NRCAM: variants seen among roughly 807,000 people sequenced by gnomAD.
NRCAM encodes the protein NgCAM-related cell adhesion molecule.
Under a neutral mutation model 156.5 loss-of-function variants are expected in NRCAM, and 83 were observed. The observed-to-expected ratio is 0.53, with a 90% confidence interval of 0.44 to 0.64. The LOEUF (loss-of-function observed/expected upper bound fraction) is 0.64, where lower values mean the gene tolerates loss of function less well. NRCAM is among the 30% of genes least tolerant of loss of function. The pLI is 0.00. For synonymous variants in NRCAM, 538 were observed against 563.9 expected, an observed-to-expected ratio of 0.95 and a Z score of 0.65; for missense variants, 1,417 against 1,597.3, an observed-to-expected ratio of 0.89 and a Z score of 1.92.
At chr7:108,446,379 C>T (rs568490838) in intron 1 of NRCAM, among the ~76,000 whole-genome samples, 15 of 152,188 alleles carry the variant, frequency 9.9e-5, no homozygotes, top group African/African-American at 3.6e-4. Flanking sequence ...AGAACAAAAC[C>T]CCCCAATTTT....
intron 3 of NRCAM, among the ~76,000 whole-genome samples, chr7:108,289,774 C>T (rs1020022759): frequency 6.6e-6 from 1 of 152,102 alleles, no homozygotes; most frequent in Non-Finnish European, 1.5e-5. Context: ...GGTCTCCAGA[C>T]CCCCAGCATC....
At chr7:108,357,416 C>T (rs1180609571) in intron 2 of NRCAM, among the ~76,000 whole-genome samples, 3 of 151,642 alleles carry the variant, frequency 2.0e-5, no homozygotes, top group African/African-American at 7.3e-5. Context: ...TCACTGGAAC[C>T]TCCACCTCCC....
intron 2 of NRCAM, among the ~76,000 whole-genome samples, chr7:108,362,209 C>CT (rs1244822137): frequency 6.6e-6 from 1 of 152,122 alleles, no homozygotes; most frequent in Non-Finnish European, 1.5e-5. Flanking sequence ...CTGATGAGGG[C>CT]TGTCCTTTCA....
intron 3 of NRCAM, among the ~76,000 whole-genome samples, chr7:108,306,133 A>G (rs2098711538): frequency 6.6e-6 from 1 of 152,222 alleles, no homozygotes; most frequent in African/African-American, 2.4e-5. Flanking sequence ...ACCTTTGAAT[A>G]GTCTTGTCAC....
intron 3 of NRCAM, among the ~76,000 whole-genome samples, chr7:108,272,820 G>A (rs572887014): frequency 6.6e-6 from 1 of 151,942 alleles, no homozygotes; most frequent in East Asian, 1.9e-4. Flanking sequence ...TGTTACATAG[G>A]TATATATGTG....
At chr7:108,337,388 GC>G (rs1439291327) in intron 2 of NRCAM, among the ~76,000 whole-genome samples, 3 of 152,078 alleles carry the variant, frequency 2.0e-5, no homozygotes, top group Admixed American at 2.0e-4. Flanking sequence ...TACGGCTCGA[GC>G]TGAGCTTTTG....
chr7:108,172,421 G>A (rs117713579), intron 28 of NRCAM, among the ~76,000 whole-genome samples: 7,470 of 152,026 alleles, frequency 0.049, 243 homozygotes, highest in East Asian at 0.11. Flanking sequence ...TCCGCCTCCC[G>A]GGCAGCTAGG....
rs142274702 is a variant in NRCAM at position 108,194,032 on chromosome 7, A to G, written c.1770T>C (p.Ser590=). 181 of 1,613,596 alleles carry G rather than the reference A, an allele frequency of 1.1e-4. No homozygotes were observed. The African/African-American group carries it at 2.1e-3, about 19-fold the overall frequency. ...LWLKDNRELP[S]DERFTVDKDH... ...AAATCGTCTTCAAATACCTTTCATC[A>G]CTGGGCAGTTCCCTGTTGTCCTTCA... Residue 590 remains serine (S), a synonymous_variant, in exon 17 of 33, where the codon AGT becomes AGC. Transcript: ENST00000379028.
intron 1 of NRCAM, among the ~76,000 whole-genome samples, chr7:108,415,877 C>G (rs1027331366): frequency 1.3e-5 from 2 of 152,132 alleles, no homozygotes; most frequent in Non-Finnish European, 2.9e-5. Context: ...AGCAAAACTC[C>G]CTCTCAAAAA....
intron 13 of NRCAM, among the ~76,000 whole-genome samples, chr7:108,199,914 T>TA (rs74592999): frequency 0.018 from 2,737 of 152,338 alleles, 86 homozygotes; most frequent in East Asian, 0.15. Context: ...AAAAGTCTTT[T>TA]AGATGTTTTA....
chr7:108,184,128 A>ATATT (rs1491201025), intron 22 of NRCAM, 113 bp downstream of exon 22: 42 of 450,280 alleles, frequency 9.3e-5, no homozygotes, highest in Non-Finnish European at 1.2e-4. Flanking sequence ...ATATATATAT[A>ATATT]TTTTTTTTCC....
intron 3 of NRCAM, among the ~76,000 whole-genome samples, chr7:108,257,073 AAG>A (rs1491557812): frequency 6.6e-6 from 1 of 150,998 alleles, no homozygotes; most frequent in Non-Finnish European, 1.5e-5. Flanking sequence ...GGAAAGAAGA[AAG>A]AAGGAAGGAA....
intron 3 of NRCAM, among the ~76,000 whole-genome samples, chr7:108,248,480 C>A (rs957250869): frequency 1.3e-5 from 2 of 152,000 alleles, no homozygotes; most frequent in South Asian, 4.1e-4. Context: ...AGAGAATTAA[C>A]CTCATGGTAG....
intron 2 of NRCAM, among the ~76,000 whole-genome samples, chr7:108,390,392 T>C (rs904318218): frequency 6.6e-6 from 1 of 152,192 alleles, no homozygotes; most frequent in Admixed American, 6.5e-5. Context: ...TGGTGGTAGT[T>C]TGTATTTCTG....
chr7:108,443,424 T>C (rs113600812), intron 1 of NRCAM, among the ~76,000 whole-genome samples: 49 of 152,334 alleles, frequency 3.2e-4, no homozygotes, highest in African/African-American at 1.1e-3. Flanking sequence ...TTTCTCCAAA[T>C]AGACAGTGGT....
rs147053418 is a variant in NRCAM, at chr7:108,159,603, T to C, written c.3599-62A>G. On this transcript the variant is annotated intron_variant, in intron 31 of 32. Coordinates refer to ENST00000379028, the MANE Select transcript of NRCAM (RefSeq NM_001037132.4). ...CCTGTTCTTTCTTATTCAAAGTCCA[T>C]GAAAGCATTCTTTGAGATATACAGC... The C allele has an allele frequency of 2.5e-4, 319 of 1,289,134 alleles. 1 individual carries two copies. The African/African-American group carries it at 4.0e-3, about 16-fold the overall frequency. The allele number at this position is 1,289,134 out of a possible 1,614,324, so 79.9% of individuals were successfully genotyped here. A position where few individuals can be genotyped will look rare whatever the true frequency, so the allele number is the denominator to read the frequency against.
intron 24 of NRCAM, among the ~76,000 whole-genome samples, 164 bp from the exon 25 acceptor site, chr7:108,180,591 G>C (rs893548624): frequency 1.3e-5 from 2 of 152,194 alleles, no homozygotes; most frequent in African/African-American, 2.4e-5. Context: ...AAGAGGAATA[G>C]AAGCCCATAG....
chr7:108,357,380 C>CTGGG (rs1377318101), intron 2 of NRCAM, among the ~76,000 whole-genome samples: 2 of 148,490 alleles, frequency 1.3e-5, no homozygotes, highest in Non-Finnish European at 3.0e-5. Context: ...GTCCCCCAGG[C>CTGGG]TGGGGTGCAA....
At chr7:108,443,127 A>G (rs1220645332) in intron 1 of NRCAM, among the ~76,000 whole-genome samples, 2 of 152,212 alleles carry the variant, frequency 1.3e-5, no homozygotes, top group Non-Finnish European at 2.9e-5. Context: ...TGTTCATCCC[A>G]AGAATCTTCC....
Sources: allele counts gnomAD v4.1 joint callset (sites outside exome capture counted in the v4.1 genomes callset), GRCh38; gene constraint gnomAD v4.1.1; transcripts MANE v1.5; gene names NCBI Gene and HGNC (gene_info 2026-07-23, HGNC 2026-07-21).